Variants in STX11 observed in about 807,000 individuals in gnomAD.
STX11 encodes the protein syntaxin 11, also known as syntaxin-11.
In STX11, 21 loss-of-function variants were observed where a neutral mutation model predicts 19.9. That is an observed-to-expected ratio of 1.06 (90% CI 0.75 to 1.52). The LOEUF is 1.52. Ranked by LOEUF, STX11 falls within the 40% of genes most tolerant of loss-of-function variation. The pLI is 0.00. For missense variants in STX11, 438 were observed against 405.9 expected (o/e 1.08, Z -0.68); for synonymous variants, 193 against 174.4 (o/e 1.11, Z -0.84).
In STX11 at chr6:144,186,733, G is replaced by C. The variant is rs373333798; in HGVS notation, c.106G>C (p.Glu36Gln). Reference sequence around the variant, plus strand: ...CTCGCCCCACGAGGACATCGTGTTCGAGACGGACCACATCCTGGAGTCCCT... The same window carrying C: ...CTCGCCCCACGAGGACATCGTGTTCCAGACGGACCACATCCTGGAGTCCCT... ...FDSPHEDIVF[E>Q]TDHILESLYR... is the part of the protein sequence containing the mutation. The change falls in exon 2 of 2, where the codon GAG becomes CAG. Residue 36 changes from glutamate to glutamine, a missense_variant. Glu to Gln is a conservative substitution (Grantham distance 29). Coordinates refer to ENST00000367568, the MANE Select transcript of STX11 (RefSeq NM_003764.4). The C allele has an allele frequency of 4.6e-5, 75 of 1,614,030 alleles. No individual in the cohort carries two copies. The highest frequency in any genetic ancestry group is 5.0e-5 in the Admixed American group (3 of 59,996).
At position 144,187,362 on chromosome 6, in the gene STX11, C is replaced by T. The variant is rs144787735; in HGVS notation, c.735C>T (p.Ile245=). The change falls in exon 2 of 2, where the codon ATC becomes ATT. Residue 245 remains isoleucine (I), a synonymous_variant. Transcript: ENST00000367568. The surrounding 1 kb of genome is among the most constrained non-coding windows in gnomAD (Gnocchi z 5.6). ...AGCAGGCCGACACCCTGAACGTCATCGAGCTCAACGTACAAAAGACGGTCG... is the reference window on the plus strand; with the variant it reads ...AGCAGGCCGACACCCTGAACGTCATTGAGCTCAACGTACAAAAGACGGTCG... ...VEKQADTLNV[I]ELNVQKTVDY... The T allele has an allele frequency of 6.2e-7, 1 of 1,610,328 alleles. No individual in the cohort carries two copies.
rs186071160 is a variant in STX11 at position 144,154,722 on chromosome 6, A to G, written c.-6+4019A>G. 9.8e-4 allele frequency among the ~76,000 whole-genome samples: 149 copies of G among 152,254 alleles called. 1 individual carries two copies. The highest frequency in any genetic ancestry group is 6.9e-3 in the East Asian group (36 of 5,190). ...ACTTGTGATCTGCCTTTTGAATCCT[A>G]TTTTGTTCTAGTTTTACCCTGAAGC... On this transcript the variant is annotated intron_variant, in intron 1 of 1. Transcript: ENST00000367568. The surrounding 1 kb of genome is among the most constrained non-coding windows in gnomAD (Gnocchi z 4.7).
At position 144,187,170 on chromosome 6, in the gene STX11, C is replaced by G; in HGVS notation, c.543C>G (p.Phe181Leu). The G allele has an allele frequency of 1.2e-6, 2 of 1,613,976 alleles. No individual in the cohort carries two copies. Among genetic ancestry groups the G allele is most frequent in the Non-Finnish European group, 1.7e-6 (2 of 1,179,990 alleles). The change falls in exon 2 of 2, where the codon TTC becomes TTG. Residue 181 changes from phenylalanine to leucine, a missense_variant. Phe to Leu is a conservative substitution (Grantham distance 22). Coordinates refer to ENST00000367568, the MANE Select transcript of STX11 (RefSeq NM_003764.4). The surrounding 1 kb of genome is among the most constrained non-coding windows in gnomAD (Gnocchi z 5.6). ...CGGGCGACCAGATCGAGGACATGTTCGAGCAGGGTAAGTGGGACGTGTTTT... is the reference window on the plus strand; with the variant it reads ...CGGGCGACCAGATCGAGGACATGTTGGAGCAGGGTAAGTGGGACGTGTTTT... Reference protein sequence around the residue: ...EVSGDQIEDMFEQGKWDVFSE... With the variant: ...EVSGDQIEDMLEQGKWDVFSE...
In STX11 at chr6:144,160,466, A is replaced by G. The variant is rs1801307063; in HGVS notation, c.-6+9763A>G. On this transcript the variant is annotated intron_variant, in intron 1 of 1. Transcript: ENST00000367568. The surrounding 1 kb of genome is among the most constrained non-coding windows in gnomAD (Gnocchi z 4.3). Reference sequence around the variant, plus strand: ...TCAATAGATAAAGGACCTTAAGTTTAATATATAAGTTAACAGGCAAATCTT... The same window carrying G: ...TCAATAGATAAAGGACCTTAAGTTTGATATATAAGTTAACAGGCAAATCTT... Among the ~76,000 whole-genome samples the G allele has an allele frequency of 6.6e-6, 1 of 152,234 alleles. No individual in the cohort carries two copies. The highest frequency in any genetic ancestry group is 1.5e-5 in the Non-Finnish European group (1 of 68,048).
Position 144,184,800 on chromosome 6 carries a change from C to T in STX11, c.-5-1823C>T, listed in dbSNP as rs1371149806. Among the ~76,000 whole-genome samples the T allele has an allele frequency of 6.6e-6, 1 of 152,210 alleles. No homozygotes were observed. Among genetic ancestry groups the T allele is most frequent in the Non-Finnish European group, 1.5e-5 (1 of 68,042 alleles). ...ATACGTTTATGTTCTCTGTCATTTA[C>T]ATCTTCTCTGAATTGCTTCACTGTC... On this transcript the variant is annotated intron_variant, in intron 1 of 1. Transcript: ENST00000367568. This position sits in a 1 kb window ranked among gnomAD's most constrained non-coding sequence, Gnocchi z 6.5.
chr6:144,187,061 A>G lies in STX11; in HGVS notation c.434A>G (p.Asp145Gly). 6.2e-7 allele frequency: 1 copy of G among 1,613,374 alleles called. No homozygotes were observed. Among genetic ancestry groups the G allele is most frequent in the Non-Finnish European group, 8.5e-7 (1 of 1,179,980 alleles). The change falls in exon 2 of 2, where the codon GAC becomes GGC. Residue 145 changes from aspartate to glycine, a missense_variant. Transcript: ENST00000367568. This position sits in a 1 kb window ranked among gnomAD's most constrained non-coding sequence, Gnocchi z 5.6. Reference protein sequence around the residue: ...LTLTFQRAMHDYNQAEMKQRD... With the variant: ...LTLTFQRAMHGYNQAEMKQRD... The stretch of plus-strand genomic sequence containing the variant: ...CTCACCTTCCAGCGCGCCATGCACG[A>G]CTACAACCAGGCCGAGATGAAGCAG...
chr6:144,186,919 G>C lies in STX11; in HGVS notation c.292G>C (p.Glu98Gln), dbSNP rs1449481982. Residue 98 changes from glutamate (E) to glutamine (Q), a missense_variant, in exon 2 of 2, where the codon GAG becomes CAG. Transcript: ENST00000367568. ...CGCCAAGGCCATCAAGGCCCGGGGC[G>C]AGGTCATCCACTGCAAGCTGCGCGC... ...SIAKAIKARG[E>Q]VIHCKLRAMK... 2 of 1,610,654 alleles carry C rather than the reference G, an allele frequency of 1.2e-6. No homozygotes were observed. Among genetic ancestry groups the C allele is most frequent in the Non-Finnish European group, 8.5e-7 (1 of 1,179,986 alleles).
At chr6:144,185,091 C>A (rs1320183321) in intron 1 of STX11, among the ~76,000 whole-genome samples, 1 of 152,100 alleles carries the variant, frequency 6.6e-6, no homozygotes. Context: ...ATTATAGCCA[C>A]CAGATATCAG....
rs759501406 is a variant in STX11, at chr6:144,187,074, C to T, written c.447C>T (p.Ala149=). The T allele has an allele frequency of 1.2e-6, 2 of 1,613,552 alleles. No homozygotes were observed. Among genetic ancestry groups the T allele is most frequent in the Non-Finnish European group, 1.7e-6 (2 of 1,179,982 alleles). The change falls in exon 2 of 2, where the codon GCC becomes GCT. Residue 149 remains alanine (A), a synonymous_variant. Coordinates refer to ENST00000367568, the MANE Select transcript of STX11 (RefSeq NM_003764.4). This position sits in a 1 kb window ranked among gnomAD's most constrained non-coding sequence, Gnocchi z 5.6. Reference sequence around the variant, plus strand: ...GCGCCATGCACGACTACAACCAGGCCGAGATGAAGCAGCGCGACAACTGCA... The same window carrying T: ...GCGCCATGCACGACTACAACCAGGCTGAGATGAAGCAGCGCGACAACTGCA... ...FQRAMHDYNQ[A]EMKQRDNCKI...
In STX11 at chr6:144,151,329, G is replaced by A; in HGVS notation, c.-6+626G>A. 1 of 985,448 alleles carries A rather than the reference G, an allele frequency of 1.0e-6. No homozygotes were observed. Among genetic ancestry groups the A allele is most frequent in the South Asian group, 4.7e-5 (1 of 21,294 alleles). The allele number at this position is 985,448 out of a possible 1,614,324, so 61.0% of individuals were successfully genotyped here. ...TCTAGACTCCGCTGACACCAGCTGA[G>A]ATCTGTATTACTTCCTGTGGTTCTC... is the stretch of plus-strand genomic sequence containing the variant. On this transcript the variant is annotated intron_variant, in intron 1 of 1. Transcript: ENST00000367568. The surrounding 1 kb of genome is among the most constrained non-coding windows in gnomAD (Gnocchi z 4.6).
chr6:144,188,670 T>A lies in STX11; in HGVS notation c.*1179T>A, dbSNP rs921256068. Among the ~76,000 whole-genome samples, 4 of 152,146 alleles carry A rather than the reference T, an allele frequency of 2.6e-5. No individual in the cohort carries two copies. The highest frequency in any genetic ancestry group is 5.9e-5 in the Non-Finnish European group (4 of 68,034). On this transcript the variant is annotated 3_prime_UTR_variant, in exon 2 of 2. Transcript: ENST00000367568. ...CATTATACACATATTTTTATACATT[T>A]CTGGCTTGACCATTTAGTTTACTTT...
At position 144,190,409 on chromosome 6, in the gene STX11, A is replaced by T. The variant is rs559505301; in HGVS notation, c.*2918A>T. 6.6e-6 allele frequency among the ~76,000 whole-genome samples: 1 copy of T among 152,242 alleles called. No individual in the cohort carries two copies. The highest frequency in any genetic ancestry group is 1.5e-5 in the Non-Finnish European group (1 of 68,042). ...CTGGCACATGCTAAGTGCTTTGTTC[A>T]TTATTGTTGTTATTATGTAATTTTC... is the stretch of plus-strand genomic sequence containing the variant. On this transcript the variant is annotated 3_prime_UTR_variant, in exon 2 of 2. Coordinates refer to ENST00000367568, the MANE Select transcript of STX11 (RefSeq NM_003764.4).
chr6:144,141,024 T>C, the STX11 span, among the ~76,000 whole-genome samples: 3 of 152,230 alleles, frequency 2.0e-5, no homozygotes, highest in Non-Finnish European at 4.4e-5. Context: ...TGTTTGTGCT[T>C]TTCCGTTTCA....
chr6:144,144,178 C>G, the STX11 span, among the ~76,000 whole-genome samples: 1 of 152,298 alleles, frequency 6.6e-6, no homozygotes, highest in African/African-American at 2.4e-5. Flanking sequence ...GTAAGTGAAA[C>G]AGGCATGATC....
At chr6:144,181,616 A>AAAAAC (rs1491026048) in intron 1 of STX11, among the ~76,000 whole-genome samples, 1 of 135,908 alleles carries the variant, frequency 7.4e-6, no homozygotes, top group Admixed American at 7.2e-5. Context: ...AAAAAAAAAA[A>AAAAAC]AGCTGACATG....
chr6:144,179,302 T>C (rs1166746342), intron 1 of STX11, among the ~76,000 whole-genome samples: 1 of 152,196 alleles, frequency 6.6e-6, no homozygotes, highest in Admixed American at 6.5e-5. Context: ...GGGAGTACCA[T>C]TCAAGATGAG....
chr6:144,146,960 T>A (rs1452697306), upstream of STX11, among the ~76,000 whole-genome samples: 3 of 152,160 alleles, frequency 2.0e-5, no homozygotes, highest in African/African-American at 4.8e-5. The surrounding 1 kb of genome is among the most constrained non-coding windows in gnomAD (Gnocchi z 4.4). Flanking sequence ...CACATTCAGT[T>A]TGGAGTTGTT....
intron 1 of STX11, among the ~76,000 whole-genome samples, chr6:144,178,878 T>A (rs1308084078): frequency 1.3e-5 from 2 of 151,558 alleles, no homozygotes; most frequent in Admixed American, 1.3e-4. Context: ...AGCAAGAAAA[T>A]TAGAGCTATT....
rs1350183687 is a variant in STX11 at position 144,162,382 on chromosome 6, A to G, written c.-6+11679A>G. ...ATCCATTTGCTTCATAATTTCCAAC[A>G]TTGTGTTGCTGTTTTCTTCTCTCTT... is the stretch of plus-strand genomic sequence containing the variant. On this transcript the variant is annotated intron_variant, in intron 1 of 1. Transcript: ENST00000367568. This position sits in a 1 kb window ranked among gnomAD's most constrained non-coding sequence, Gnocchi z 4.6. Among the ~76,000 whole-genome samples, 2 of 152,152 alleles carry G rather than the reference A, an allele frequency of 1.3e-5. No homozygotes were observed. The highest frequency in any genetic ancestry group is 6.5e-5 in the Admixed American group (1 of 15,284).
Sources: allele counts gnomAD v4.1 joint callset (sites outside exome capture counted in the v4.1 genomes callset), GRCh38; gene constraint gnomAD v4.1.1; non-coding constraint Gnocchi (gnomAD v3.1); transcripts MANE v1.5; gene names NCBI Gene and HGNC (gene_info 2026-07-23, HGNC 2026-07-21).